Variants in ACR observed in about 807,000 individuals in gnomAD.
ACR encodes the protein acrosin.
ACR carries 17 observed loss-of-function variants against 26.0 expected under a neutral mutation model. That is an observed-to-expected ratio of 0.65 (90% confidence interval 0.45 to 0.98). The LOEUF (loss-of-function observed/expected upper bound fraction) is 0.98, where lower values mean the gene tolerates loss of function less well. Ranked by LOEUF, ACR falls within the 50% of genes least tolerant of loss-of-function variation. The pLI is 0.00. For missense variants in ACR, 435 were observed against 519.3 expected (o/e 0.84, Z 1.58); for synonymous variants, 199 against 207.7 (o/e 0.96, Z 0.36).
chr22:50,744,817 C>T lies in ACR; in HGVS notation c.876C>T (p.Asn292=), dbSNP rs1230725887. 31 of 1,607,236 alleles carry T rather than the reference C, an allele frequency of 1.9e-5. No individual in the cohort carries two copies. The highest frequency in any genetic ancestry group is 7.8e-5 in the South Asian group (7 of 90,138). The change falls in exon 5 of 5, where the codon AAC becomes AAT. Residue 292 remains asparagine, a synonymous_variant. Transcript: ENST00000216139. The part of the protein sequence containing the change: ...LNWIASKIGS[N]ALRMIQSATP... ...GGATCGCCTCCAAGATTGGTTCTAA[C>T]GCTTTGCGTATGATTCAATCGGCCA... is the stretch of plus-strand genomic sequence containing the variant.
rs1064736 is a variant in ACR, at chr22:50,744,173, G to A, written c.678G>A (p.Ala226=). 39 of 1,613,594 alleles carry A rather than the reference G, an allele frequency of 2.4e-5. No individual in the cohort carries two copies. The highest frequency in any genetic ancestry group is 1.1e-4 in the African/African-American group (8 of 74,776). ...GCGTTCAGCCAACCAATGTGTGCGC[G>A]GGGTATCCTGTAGGCAAGATCGACA... ...NGRVQPTNVC[A]GYPVGKIDTC... is the part of the protein sequence containing the mutation. The change falls in exon 4 of 5, where the codon GCG becomes GCA. Residue 226 remains alanine (A), a synonymous_variant. Transcript: ENST00000216139.
chr22:50,742,597 CATT>C (rs1006125538), intron 3 of ACR, among the ~76,000 whole-genome samples: 1 of 151,516 alleles, frequency 6.6e-6, no homozygotes, highest in Non-Finnish European at 1.5e-5. Context: ...GGATTGTTGT[CATT>C]GTTGTTTCAA....
In ACR at chr22:50,739,535, C is replaced by A; in HGVS notation, c.281+61C>A. 6.2e-7 allele frequency: 1 copy of A among 1,600,956 alleles called. No homozygotes were observed. On this transcript the variant is annotated intron_variant, in intron 2 of 4. Transcript: ENST00000216139. This position sits in a 1 kb window ranked among gnomAD's most constrained non-coding sequence, Gnocchi z 5.5. Reference sequence around the variant, plus strand: ...ACGGCTCTTCTCAGAGAGGGGCGTTCCCCGGGGATGCTGTGCAGCGTCTCC... The same window carrying A: ...ACGGCTCTTCTCAGAGAGGGGCGTTACCCGGGGATGCTGTGCAGCGTCTCC...
chr22:50,742,720 C>A (rs533580620), intron 3 of ACR, among the ~76,000 whole-genome samples: 1 of 152,194 alleles, frequency 6.6e-6, no homozygotes, highest in Non-Finnish European at 1.5e-5. Context: ...AGCGAGCACT[C>A]GTTCAGCAGC....
At position 50,744,930 on chromosome 22, in the gene ACR, C is replaced by G; in HGVS notation, c.989C>G (p.Pro330Arg). 1.3e-6 allele frequency: 2 copies of G among 1,554,310 alleles called. No individual in the cohort carries two copies. The highest frequency in any genetic ancestry group is 1.7e-6 in the Non-Finnish European group (2 of 1,153,150). The change falls in exon 5 of 5, where the codon CCG (proline) becomes CGG (arginine). Residue 330 changes from proline to arginine, a missense_variant. Pro to Arg is a moderately radical substitution (Grantham distance 103). This residue lies in a region of ACR where 92 missense variants were observed against 87.8 expected (regional missense o/e 1.05). Coordinates refer to ENST00000216139, the MANE Select transcript of ACR (RefSeq NM_001097.3). Reference protein sequence around the residue: ...ISAHLPWYFQPPPRPLPPRPP... With the variant: ...ISAHLPWYFQRPPRPLPPRPP... ...GCTCACCTTCCTTGGTATTTCCAAC[C>G]GCCCCCTCGACCACTTCCACCCCGA...
Position 50,739,567 on chromosome 22 carries a change from C to A in ACR, c.281+93C>A. 1 of 1,576,078 alleles carries A rather than the reference C, an allele frequency of 6.3e-7. No individual in the cohort carries two copies. ...GATGCTGTGCAGCGTCTCCCTGGGG[C>A]TCTGGGCCAAGTGGCTGCAAGACTC... is the stretch of plus-strand genomic sequence containing the variant. On this transcript the variant is annotated intron_variant, in intron 2 of 4. Coordinates refer to ENST00000216139, the MANE Select transcript of ACR (RefSeq NM_001097.3). The surrounding 1 kb of genome is among the most constrained non-coding windows in gnomAD (Gnocchi z 5.5).
intron 1 of ACR, among the ~76,000 whole-genome samples, chr22:50,738,955 G>C (rs758481301): frequency 6.6e-6 from 1 of 151,912 alleles, no homozygotes; most frequent in Non-Finnish European, 1.5e-5. Context: ...CCCAGGCCCC[G>C]CATCCCCACC....
At chr22:50,742,392 A>C (rs2083428215) in intron 3 of ACR, among the ~76,000 whole-genome samples, 1 of 151,286 alleles carries the variant, frequency 6.6e-6, no homozygotes, top group East Asian at 2.0e-4. Context: ...AAAATACAGA[A>C]AATTAGCCGG....
intron 4 of ACR, 112 bp from the exon 5 acceptor site, chr22:50,744,541 A>G (rs1345933904): frequency 2.1e-6 from 3 of 1,430,698 alleles, no homozygotes; most frequent in Admixed American, 5.4e-5. Flanking sequence ...TTGTGTTTAC[A>G]GCAGCAGGAG....
intron 3 of ACR, among the ~76,000 whole-genome samples, chr22:50,741,933 G>A (rs1334961023): frequency 6.6e-6 from 1 of 151,454 alleles, no homozygotes; most frequent in East Asian, 1.9e-4. Context: ...TCAGGAGTTT[G>A]AGACCAGCCT....
intron 3 of ACR, 64 bp downstream of exon 3, chr22:50,740,041 G>A: frequency 1.2e-6 from 2 of 1,601,942 alleles, no homozygotes; most frequent in Non-Finnish European, 8.5e-7. Flanking sequence ...TCTTTGAGGT[G>A]CAGCGGTCAC....
Position 50,744,232 on chromosome 22 carries a change from C to T in ACR, c.711+26C>T, listed in dbSNP as rs763566499. ...GTAACCTTCCTTCTGGCTTCTGGGC[C>T]CCTGGGTCCCTCCAGGACTCTCCCG... On this transcript the variant is annotated intron_variant, in intron 4 of 4. Transcript: ENST00000216139. The T allele has an allele frequency of 5.6e-6, 9 of 1,595,368 alleles. No homozygotes were observed. In the South Asian group the frequency reaches 7.7e-5, roughly 14 times the overall value.
intron 1 of ACR, among the ~76,000 whole-genome samples, 187 bp downstream of exon 1, chr22:50,738,499 C>T (rs1261796180): frequency 6.6e-6 from 1 of 150,944 alleles, no homozygotes; most frequent in Non-Finnish European, 1.5e-5. Context: ...ATGGACCCCT[C>T]AGCACCTCAG....
rs774203834 is a variant in ACR at position 50,739,435 on chromosome 22, G to A, written c.242G>A (p.Arg81Gln). 9 of 1,614,092 alleles carry A rather than the reference G, an allele frequency of 5.6e-6. No homozygotes were observed. Among genetic ancestry groups the A allele is most frequent in the South Asian group, 2.2e-5 (2 of 91,080 alleles). Residue 81 changes from arginine (R) to glutamine (Q), a missense_variant, in exon 2 of 5, where the codon CGA becomes CAA. Around this residue, in one of 3 missense-constraint regions of ACR, gnomAD observed 314 missense variants for 372.0 expected, o/e 0.84. Coordinates refer to ENST00000216139, the MANE Select transcript of ACR (RefSeq NM_001097.3). This position sits in a 1 kb window ranked among gnomAD's most constrained non-coding sequence, Gnocchi z 5.5. ...HTCGGSLLNS[R>Q]WVLTAAHCFV... is the part of the protein sequence containing the mutation. ...TGTGGAGGCAGCTTGCTGAATTCAC[G>A]ATGGGTGCTCACTGCTGCTCACTGC... is the stretch of plus-strand genomic sequence containing the variant.
chr22:50,740,777 T>A (rs2083421807), intron 3 of ACR: 1 of 697,460 alleles, frequency 1.4e-6, no homozygotes, highest in Non-Finnish European at 2.6e-6. Flanking sequence ...CCAGATGAGT[T>A]CTAGAAGAGT....
chr22:50,739,526 A>G lies in ACR; in HGVS notation c.281+52A>G. The G allele has an allele frequency of 1.9e-6, 3 of 1,606,470 alleles. No individual in the cohort carries two copies. Among genetic ancestry groups the G allele is most frequent in the Non-Finnish European group, 2.6e-6 (3 of 1,174,112 alleles). ...GTCTTCAGAACGGCTCTTCTCAGAG[A>G]GGGGCGTTCCCCGGGGATGCTGTGC... is the stretch of plus-strand genomic sequence containing the variant. On this transcript the variant is annotated intron_variant, in intron 2 of 4. Transcript: ENST00000216139. This position sits in a 1 kb window ranked among gnomAD's most constrained non-coding sequence, Gnocchi z 5.5.
intron 4 of ACR, 39 bp downstream of exon 4, chr22:50,744,245 C>T (rs765797656): frequency 5.2e-6 from 8 of 1,551,576 alleles, no homozygotes; most frequent in Admixed American, 3.4e-5. Flanking sequence ...TGGGTCCCTC[C>T]AGGACTCTCC....
chr22:50,740,049 C>A, intron 3 of ACR, 72 bp downstream of exon 3: 1 of 1,582,620 alleles, frequency 6.3e-7, no homozygotes, highest in South Asian at 1.1e-5. Context: ...GTGCAGCGGT[C>A]ACTTGTTGAC....
Position 50,744,509 on chromosome 22 carries a change from C to G in ACR, c.712-144C>G, listed in dbSNP as rs548483829. ...ATCCCAAATGAAGCCCCTGACACCC[C>G]CTCAAACTTTACTACAACCACTTGT... On this transcript the variant is annotated intron_variant, in intron 4 of 4. Coordinates refer to ENST00000216139, the MANE Select transcript of ACR (RefSeq NM_001097.3). 137 of 1,290,262 alleles carry G rather than the reference C, an allele frequency of 1.1e-4. No individual in the cohort carries two copies. In the South Asian group the frequency reaches 2.0e-3, roughly 19 times the overall value. 79.9% of individuals were successfully genotyped at this position (1,290,262 alleles called of 1,614,324 possible). A position where few individuals can be genotyped will look rare whatever the true frequency, so the allele number is the denominator to read the frequency against.
Sources: allele counts gnomAD v4.1 joint callset (sites outside exome capture counted in the v4.1 genomes callset), GRCh38; gene constraint gnomAD v4.1.1; regional missense constraint gnomAD v4.1.1; non-coding constraint Gnocchi (gnomAD v3.1); transcripts MANE v1.5; gene names NCBI Gene and HGNC (gene_info 2026-07-23, HGNC 2026-07-21).